The following ESR1 variants were observed in gnomAD, a reference collection of about 807,000 sequenced individuals.
The protein encoded by ESR1 is estrogen receptor.
Under a neutral mutation model 52.7 loss-of-function variants are expected in ESR1, and 12 were observed. The ratio of observed to expected loss-of-function variants is 0.23; its 90% confidence interval spans 0.15 to 0.37. The LOEUF (loss-of-function observed/expected upper bound fraction) is 0.37, where lower values mean the gene tolerates loss of function less well. Among genes scored for constraint, ESR1 ranks in the 10% least tolerant of loss-of-function variants. The pLI, the probability that ESR1 is intolerant of heterozygous loss-of-function variation, is 1.00. For missense variants in ESR1, 584 were observed against 779.7 expected, an observed-to-expected ratio of 0.75 and a Z score of 2.99; for synonymous variants, 305 against 316.8, an observed-to-expected ratio of 0.96 and a Z score of 0.39.
At chr6:152,033,834 C>A (rs933112765) in intron 5 of ESR1, among the ~76,000 whole-genome samples, 1 of 152,134 alleles carries the variant, frequency 6.6e-6, no homozygotes, top group Non-Finnish European at 1.5e-5. Context: ...GCTATAAAGA[C>A]ACATGCACAC....
Position 151,808,159 on chromosome 6 carries a change from G to A in ESR1, c.247G>A (p.Gly83Arg), listed in dbSNP as rs2128156527. Residue 83 changes from glycine to arginine, a missense_variant, in exon 1 of 8, where the codon GGG (glycine) becomes AGG (arginine). Coordinates refer to ENST00000206249, the MANE Select transcript of ESR1 (RefSeq NM_000125.4). ...TCAGACCGGCCTCCCCTACGGCCCC[G>A]GGTCTGAGGCTGCGGCGTTCGGCTC... ...YGQTGLPYGP[G>R]SEAAAFGSNG... 3 of 1,594,890 alleles carry A rather than the reference G, an allele frequency of 1.9e-6. No individual in the cohort carries two copies. Among genetic ancestry groups the A allele is most frequent in the Non-Finnish European group, 2.6e-6 (3 of 1,171,206 alleles).
chr6:152,055,011 A>C (rs1164036080), intron 5 of ESR1, among the ~76,000 whole-genome samples: 1 of 152,120 alleles, frequency 6.6e-6, no homozygotes, highest in African/African-American at 2.4e-5. Context: ...AAGCGACAGG[A>C]TTTCCTTCTT....
At chr6:151,922,838 C>T (rs2031970248) in intron 3 of ESR1, among the ~76,000 whole-genome samples, 1 of 152,136 alleles carries the variant, frequency 6.6e-6, no homozygotes, top group Non-Finnish European at 1.5e-5. Flanking sequence ...TATATCTACA[C>T]ACATATAAAA....
At chr6:151,979,660 T>C (rs1173706720) in intron 4 of ESR1, among the ~76,000 whole-genome samples, 1 of 152,210 alleles carries the variant, frequency 6.6e-6, no homozygotes, top group Non-Finnish European at 1.5e-5. Context: ...CAATTAAAAA[T>C]TAATTATCTA....
chr6:151,995,739 A>T (rs2041423533), intron 4 of ESR1, among the ~76,000 whole-genome samples: 1 of 152,196 alleles, frequency 6.6e-6, no homozygotes, highest in Admixed American at 6.6e-5. Context: ...CATTTATGCC[A>T]ACTGGATTGA....
chr6:151,978,698 G>A (rs1289930043), intron 4 of ESR1, among the ~76,000 whole-genome samples: 1 of 152,078 alleles, frequency 6.6e-6, no homozygotes, highest in African/African-American at 2.4e-5. Flanking sequence ...AAAATGAGAA[G>A]CCAGTGGCAC....
intron 1 of ESR1, chr6:151,656,798 C>T (rs1414677088): frequency 6.6e-6 from 1 of 151,986 alleles, no homozygotes; most frequent in Non-Finnish European, 1.5e-5. Context: ...ATTAACTTTC[C>T]CTTGGACAAC....
In ESR1 at chr6:151,891,483, C is replaced by CT. The variant is rs575944056; in HGVS notation, c.760+10720dup. On this transcript the variant is annotated intron_variant, in intron 3 of 7. Transcript: ENST00000206249. ...GTAAGTCCCCAGGAATTTCCATATG[C>CT]TTTTTTTTGTTTGTTTCAGTGGTTG... is the stretch of plus-strand genomic sequence containing the variant. Among the ~76,000 whole-genome samples the CT allele has an allele frequency of 1.1e-4, 16 of 151,960 alleles. No individual in the cohort carries two copies. In the South Asian group the frequency reaches 2.5e-3, roughly 24 times the overall value.
chr6:151,716,277 G>A (rs1250555290), intron 2 of ESR1, among the ~76,000 whole-genome samples: 1 of 152,148 alleles, frequency 6.6e-6, no homozygotes, highest in African/African-American at 2.4e-5. Flanking sequence ...ACCCCTGCTG[G>A]GAGGTGTCTC....
intron 1 of ESR1, among the ~76,000 whole-genome samples, chr6:151,658,144 C>T (rs1777519411): frequency 6.6e-6 from 1 of 152,156 alleles, no homozygotes; most frequent in Admixed American, 6.5e-5. Context: ...TTAACTGCAG[C>T]CCACACTGCA....
chr6:151,723,079 C>T (rs1394669313), intron 2 of ESR1, among the ~76,000 whole-genome samples: 1 of 152,152 alleles, frequency 6.6e-6, no homozygotes, highest in Non-Finnish European at 1.5e-5. Flanking sequence ...TAACCAGAAT[C>T]TCCTGTTTAG....
intron 2 of ESR1, among the ~76,000 whole-genome samples, chr6:151,745,913 TGGCAA>T (rs2128066478): frequency 6.6e-6 from 1 of 152,274 alleles, no homozygotes; most frequent in South Asian, 2.1e-4. Flanking sequence ...TCCCAAGGCC[TGGCAA>T]CCACCATTAT....
At chr6:151,793,606 G>C (rs1776415309) in intron 2 of ESR1, among the ~76,000 whole-genome samples, 1 of 152,172 alleles carries the variant, frequency 6.6e-6, no homozygotes, top group South Asian at 2.1e-4. Flanking sequence ...CGTGAGTAAT[G>C]TGTTGTGCTG....
chr6:151,962,798 G>C (rs921930062), intron 4 of ESR1, among the ~76,000 whole-genome samples: 27 of 152,058 alleles, frequency 1.8e-4, no homozygotes, highest in Non-Finnish European at 4.4e-5. Flanking sequence ...AGGGTAGGCA[G>C]GACTATTTTT....
rs1414600468 is a variant in ESR1, at chr6:151,681,621, G to A, written n.74-20254G>A. On this transcript the variant is annotated intron_variant and non_coding_transcript_variant, in intron 1 of 2. Coordinates refer to the ESR1 transcript ENST00000473497. ...AAGCCTCATTCTCTTCGTCCCCAAT[G>A]TTACATAATCGAACATTTCCCGTCC... 3.3e-5 allele frequency among the ~76,000 whole-genome samples: 5 copies of A among 152,306 alleles called. No individual in the cohort carries two copies. The East Asian group carries it at 9.6e-4, about 29-fold the overall frequency.
chr6:152,041,322 T>G (rs531074771), intron 5 of ESR1, among the ~76,000 whole-genome samples: 27 of 152,208 alleles, frequency 1.8e-4, no homozygotes, highest in Non-Finnish European at 3.7e-4. Context: ...AGCCTTCTCT[T>G]CTGGATCCCA....
chr6:151,919,519 A>T (rs1418049185), intron 3 of ESR1, among the ~76,000 whole-genome samples: 1 of 152,194 alleles, frequency 6.6e-6, no homozygotes, highest in Admixed American at 6.5e-5. Flanking sequence ...TCACACATAC[A>T]TCTATCATCC....
At chr6:152,016,016 G>T (rs1346191004) in intron 5 of ESR1, among the ~76,000 whole-genome samples, 1 of 152,044 alleles carries the variant, frequency 6.6e-6, no homozygotes, top group Non-Finnish European at 1.5e-5. Flanking sequence ...TCAAGGGTGG[G>T]GCCAGGTGGA....
At chr6:151,806,166 A>G (rs1437852050), upstream of ESR1, among the ~76,000 whole-genome samples, 1 of 152,212 alleles carries the variant, frequency 6.6e-6, no homozygotes, top group Admixed American at 6.5e-5. Context: ...CGATGCACCT[A>G]ATGTGTTTTT....
Sources: gnomAD v4.1 joint callset for allele counts (sites outside exome capture counted in the v4.1 genomes callset) on GRCh38, gnomAD v4.1.1 for gene constraint, MANE v1.5 for transcripts, NCBI Gene and HGNC (gene_info 2026-07-23, HGNC 2026-07-21) for gene names.